ARHGAP28: variants seen among roughly 807,000 people sequenced by gnomAD.
ARHGAP28 encodes Rho GTPase activating protein 28, also known as rho GTPase-activating protein 28.
ARHGAP28 carries 56 observed loss-of-function variants against 90.7 expected under a neutral mutation model. That is an observed-to-expected ratio of 0.62 (90% CI 0.50 to 0.77). The LOEUF (loss-of-function observed/expected upper bound fraction) is 0.77. Ranked by LOEUF, ARHGAP28 falls within the 30% of genes least tolerant of loss-of-function variation. The pLI is 0.00. For synonymous variants in ARHGAP28, 308 were observed against 323.3 expected (o/e 0.95, Z 0.51); for missense variants, 869 against 900.9 (o/e 0.96, Z 0.45).
intron 3 of ARHGAP28, among the ~76,000 whole-genome samples, chr18:6,840,024 T>C (rs928320602): frequency 6.6e-6 from 1 of 152,202 alleles, no homozygotes; most frequent in Non-Finnish European, 1.5e-5. Flanking sequence ...GGGATACCCT[T>C]CTGTTCTGGT....
chr18:6,908,481 A>G (rs756552960), intron 16 of ARHGAP28, among the ~76,000 whole-genome samples: 28 of 152,212 alleles, frequency 1.8e-4, no homozygotes, highest in Non-Finnish European at 7.3e-5. Context: ...CAATGAAGTC[A>G]GCCTTAGACA....
At chr18:6,841,144 GTCTCTCTCCTCTTTCTCTCTCTCCTC>G (rs2056807000) in intron 3 of ARHGAP28, among the ~76,000 whole-genome samples, 1 of 83,148 alleles carries the variant, frequency 1.2e-5, no homozygotes, top group Non-Finnish European at 2.4e-5. Flanking sequence ...CTCTCTCACT[GTCTCTCTCCTCTTTCTCTCTCTCCTC>G]TCTCTCTCTC....
intron 16 of ARHGAP28, chr18:6,898,429 C>T (rs772245415): frequency 6.8e-7 from 1 of 1,480,838 alleles, no homozygotes. Flanking sequence ...TTTCCACTTG[C>T]TCCAAGAATA....
At chr18:6,848,291 T>C (rs1179430614) in intron 3 of ARHGAP28, among the ~76,000 whole-genome samples, 2 of 152,150 alleles carry the variant, frequency 1.3e-5, no homozygotes, top group African/African-American at 4.8e-5. Flanking sequence ...CTCAATATAA[T>C]ATATTTCTAG....
chr18:6,743,936 C>T (rs1029217251), intron 1 of ARHGAP28, among the ~76,000 whole-genome samples: 1 of 152,082 alleles, frequency 6.6e-6, no homozygotes, highest in African/African-American at 2.4e-5. Context: ...AGTTCCACTC[C>T]TTGAGGACAG....
chr18:6,735,404 C>G (rs1024046134), intron 1 of ARHGAP28, among the ~76,000 whole-genome samples: 6 of 152,186 alleles, frequency 3.9e-5, no homozygotes, highest in Admixed American at 1.3e-4. Context: ...GGACTCCACA[C>G]TGAATTTTGT....
In ARHGAP28 at chr18:6,883,636, T is replaced by A. The variant is rs74944883; in HGVS notation, c.1453+1337T>A. On this transcript the variant is annotated intron_variant, in intron 11 of 17. Coordinates refer to ENST00000383472, the MANE Select transcript of ARHGAP28 (RefSeq NM_001366230.1). ...TCTCAGGTTGGCCAGAACTACAATT[T>A]CATAAAAATTACAATGAAAGAAAAT... Among the ~76,000 whole-genome samples, 52 of 152,320 alleles carry A rather than the reference T, an allele frequency of 3.4e-4. No homozygotes were observed. In the East Asian group the frequency reaches 6.4e-3, roughly 19 times the overall value.
chr18:6,889,914 G>A lies in ARHGAP28; in HGVS notation c.1563G>A (p.Val521=), dbSNP rs765971818. 1 of 1,614,092 alleles carries A rather than the reference G, an allele frequency of 6.2e-7. No homozygotes were observed. Among genetic ancestry groups the A allele is most frequent in the South Asian group, 1.1e-5 (1 of 91,066 alleles). The change falls in exon 13 of 18, where the codon GTG becomes GTA. Residue 521 remains valine (V), a synonymous_variant. Transcript: ENST00000383472. The part of the protein sequence containing the change: ...AQALMTFFNK[V]IANESKNRMS... ...CCCTCATGACATTCTTCAATAAAGT[G>A]ATTGCCAATGAATCAAAAAACCGAA...
At chr18:6,803,624 A>C (rs891415525) in intron 1 of ARHGAP28, among the ~76,000 whole-genome samples, 57 of 151,966 alleles carry the variant, frequency 3.8e-4, no homozygotes, top group African/African-American at 1.4e-3. Flanking sequence ...CCTCCCCTTC[A>C]ATTTTCTGAA....
chr18:6,878,442 A>T (rs953829141), intron 10 of ARHGAP28, among the ~76,000 whole-genome samples: 11 of 151,806 alleles, frequency 7.2e-5, no homozygotes, highest in African/African-American at 2.7e-4. Flanking sequence ...ACATGTATAC[A>T]TATGTAACTA....
Position 6,827,030 on chromosome 18 carries a change from A to C in ARHGAP28, c.325+2066A>C, listed in dbSNP as rs186871559. ...TAAGGTCACAGATCAACAGGATCCC[A>C]AGGCAGAAGAATTTATCTTAGTACA... On this transcript the variant is annotated intron_variant, in intron 2 of 17. Coordinates refer to ENST00000383472, the MANE Select transcript of ARHGAP28 (RefSeq NM_001366230.1). Among the ~76,000 whole-genome samples, 1,287 of 152,288 alleles carry C rather than the reference A, an allele frequency of 8.5e-3. 10 individuals are homozygous for C. Among genetic ancestry groups the C allele is most frequent in the Admixed American group, 0.016 (241 of 15,304 alleles).
At chr18:6,873,276 G>A in intron 7 of ARHGAP28, 133 bp from the exon 8 acceptor site, 1 of 716,754 alleles carries the variant, frequency 1.4e-6, no homozygotes, top group Non-Finnish European at 2.3e-6. Context: ...CTAGGATGCA[G>A]CATGCTCCTT....
intron 15 of ARHGAP28, among the ~76,000 whole-genome samples, chr18:6,896,111 C>T (rs1165269864): frequency 6.6e-6 from 1 of 152,208 alleles, no homozygotes; most frequent in African/African-American, 2.4e-5. Flanking sequence ...TATTTTCTAA[C>T]TGACTCTTAA....
In ARHGAP28 at chr18:6,912,815, T is replaced by C. The variant is rs1025480120; in HGVS notation, c.*661T>C. On this transcript the variant is annotated 3_prime_UTR_variant, in exon 18 of 18. Coordinates refer to ENST00000383472, the MANE Select transcript of ARHGAP28 (RefSeq NM_001366230.1). Reference sequence around the variant, plus strand: ...TTTCTCCATCATCGACTGTGGAAAATTGATACTTTTAAAGCATATTCTTCT... The same window carrying C: ...TTTCTCCATCATCGACTGTGGAAAACTGATACTTTTAAAGCATATTCTTCT... 2 of 152,222 alleles carry C rather than the reference T, an allele frequency of 1.3e-5. No individual in the cohort carries two copies. The highest frequency in any genetic ancestry group is 4.8e-5 in the African/African-American group (2 of 41,464). 9.4% of individuals were successfully genotyped at this position (152,222 alleles called of 1,614,324 possible).
Position 6,842,452 on chromosome 18 carries a change from C to T in ARHGAP28, c.543+5038C>T, listed in dbSNP as rs564601616. Among the ~76,000 whole-genome samples the T allele has an allele frequency of 2.0e-5, 3 of 152,284 alleles. No homozygotes were observed. In the South Asian group the frequency reaches 6.2e-4, roughly 32 times the overall value. On this transcript the variant is annotated intron_variant, in intron 3 of 17. Transcript: ENST00000383472. The stretch of plus-strand genomic sequence containing the variant: ...CTGACTTCCCTGTCATTATAGCTAG[C>T]ATCTGTTGTTGTTTCTTGACTGCAG...
Position 6,868,203 on chromosome 18 carries a change from G to C in ARHGAP28, c.780G>C (p.Glu260Asp), listed in dbSNP as rs549946935. 2.7e-5 allele frequency: 44 copies of C among 1,614,174 alleles called. No homozygotes were observed. In the African/African-American group the frequency reaches 5.5e-4, roughly 20 times the overall value. Residue 260 changes from glutamate (E) to aspartate (D), a missense_variant, in exon 6 of 18, where the codon GAG becomes GAC. By Grantham distance (45) the Glu-to-Asp change is conservative (BLOSUM62 2). Coordinates refer to ENST00000383472, the MANE Select transcript of ARHGAP28 (RefSeq NM_001366230.1). ...CAGTTCATTCCAATGGATCACCGGAGCCTGGACAGCCAGTTCAGAATGCGA... is the reference window on the plus strand; with the variant it reads ...CAGTTCATTCCAATGGATCACCGGACCCTGGACAGCCAGTTCAGAATGCGA... ...VLPVHSNGSP[E>D]PGQPVQNAIS...
At chr18:6,839,842 A>G (rs993385075) in intron 3 of ARHGAP28, among the ~76,000 whole-genome samples, 12 of 152,322 alleles carry the variant, frequency 7.9e-5, no homozygotes, top group Admixed American at 3.9e-4. Flanking sequence ...ATTCCTGTTC[A>G]TTTGACTTAT....
rs2057405332 is a variant in ARHGAP28, at chr18:6,912,673, T to C, written c.*519T>C. 1 of 152,232 alleles carries C rather than the reference T, an allele frequency of 6.6e-6. No individual in the cohort carries two copies. Among genetic ancestry groups the C allele is most frequent in the African/African-American group, 2.4e-5 (1 of 41,456 alleles). The allele number at this position is 152,232 out of a possible 1,614,324, so 9.4% of individuals were successfully genotyped here. A position where few individuals can be genotyped will look rare whatever the true frequency, so the allele number is the denominator to read the frequency against. On this transcript the variant is annotated 3_prime_UTR_variant, in exon 18 of 18. Transcript: ENST00000383472. Reference sequence around the variant, plus strand: ...GTTTCTAAAGTGAAACATGCAATATTTATGCTCTGACTGACTCCTGAATTG... The same window carrying C: ...GTTTCTAAAGTGAAACATGCAATATCTATGCTCTGACTGACTCCTGAATTG...
chr18:6,754,849 A>G (rs2056096499), intron 1 of ARHGAP28: 1 of 152,212 alleles, frequency 6.6e-6, no homozygotes, highest in Non-Finnish European at 1.5e-5. Flanking sequence ...TAAGGGGACT[A>G]AAAGAAAGTA....
Sources: gnomAD v4.1 joint callset for allele counts (sites outside exome capture counted in the v4.1 genomes callset) on GRCh38, gnomAD v4.1.1 for gene constraint, MANE v1.5 for transcripts, NCBI Gene and HGNC (gene_info 2026-07-23, HGNC 2026-07-21) for gene names.